Variants in ARL17A observed in about 807,000 individuals in gnomAD.
The protein encoded by ARL17A is ADP-ribosylation factor-like 17-like.
intron 4 of ARL17A, among the ~76,000 whole-genome samples, chr17:46,533,682 A>G (rs2054092358): frequency 1.3e-5 from 1 of 75,744 alleles, no homozygotes; most frequent in Admixed American, 1.4e-4. Context: ...TTGTATTTTT[A>G]GTAGAGACAG....
At chr17:46,516,251 C>T (rs1176607916), downstream of ARL17A, among the ~76,000 whole-genome samples, 8 of 133,904 alleles carry the variant, frequency 6.0e-5, no homozygotes, top group Admixed American at 8.1e-5. Flanking sequence ...TGCAGTGAGC[C>T]GAGATTGCAC....
intron 3 of ARL17A, among the ~76,000 whole-genome samples, chr17:46,568,908 T>C (rs2057607257): frequency 7.5e-6 from 1 of 132,998 alleles, no homozygotes; most frequent in South Asian, 2.4e-4. Flanking sequence ...AAAGCAGATG[T>C]AGAAAAGATG....
chr17:46,545,495 G>A (rs1443199895), intron 3 of ARL17A, among the ~76,000 whole-genome samples: 1 of 118,496 alleles, frequency 8.4e-6, no homozygotes, highest in Non-Finnish European at 1.6e-5. Context: ...ATAATCTGTG[G>A]GTTGTTACTT....
downstream of ARL17A, among the ~76,000 whole-genome samples, chr17:46,551,237 G>A (rs2056781293): frequency 6.7e-6 from 1 of 149,094 alleles, no homozygotes; most frequent in Admixed American, 6.6e-5. Context: ...TCTGGGACAA[G>A]TCCTGTTTAC....
chr17:46,543,514 A>G (rs1598475559), intron 3 of ARL17A, among the ~76,000 whole-genome samples: 1 of 150,960 alleles, frequency 6.6e-6, no homozygotes, highest in Non-Finnish European at 1.5e-5. Context: ...ATAGTAGACA[A>G]TGATAATATG....
intron 3 of ARL17A, among the ~76,000 whole-genome samples, chr17:46,540,472 C>T (rs1343759446): frequency 2.7e-5 from 4 of 147,834 alleles, no homozygotes; most frequent in African/African-American, 7.8e-5. Flanking sequence ...AGATTTGGAA[C>T]ATGTAGACAC....
downstream of ARL17A, among the ~76,000 whole-genome samples, chr17:46,550,186 G>A (rs1179731411): frequency 9.4e-5 from 3 of 31,900 alleles, no homozygotes; most frequent in Admixed American, 8.8e-4. Flanking sequence ...TTGATGACAC[G>A]TGCCTGTAGT....
intron 3 of ARL17A, among the ~76,000 whole-genome samples, chr17:46,543,423 A>G (rs7359677): frequency 0.011 from 1,680 of 151,000 alleles, 155 homozygotes; most frequent in African/African-American, 0.036. Flanking sequence ...ACTAAGTGTA[A>G]TGTCTGATGT....
the ARL17A span, among the ~76,000 whole-genome samples, chr17:46,502,490 C>G: frequency 6.6e-6 from 1 of 150,716 alleles, no homozygotes; most frequent in Non-Finnish European, 1.5e-5. Flanking sequence ...TTAGTAGAGA[C>G]AGGGTTTCAC....
At chr17:46,525,831 AG>A (rs2052677335), downstream of ARL17A, among the ~76,000 whole-genome samples, 1 of 89,444 alleles carries the variant, frequency 1.1e-5, no homozygotes, top group Non-Finnish European at 2.3e-5. Context: ...CTTTGTCCCC[AG>A]GGGACTTTCA....
intron 4 of ARL17A, among the ~76,000 whole-genome samples, chr17:46,531,974 A>C (rs1027023449): frequency 6.8e-6 from 1 of 147,216 alleles, no homozygotes; most frequent in East Asian, 2.0e-4. Flanking sequence ...TTTTGCATCA[A>C]TTCTTATAAT....
intron 4 of ARL17A, among the ~76,000 whole-genome samples, chr17:46,534,477 G>A (rs1429588283): frequency 3.4e-5 from 5 of 148,672 alleles, no homozygotes; most frequent in Non-Finnish European, 5.9e-5. Context: ...AACCCTGAGT[G>A]GACACAGCAC....
Position 46,553,745 on chromosome 17 carries a change from G to C in ARL17A, c.*3611C>G. 1 of 395,530 alleles carries C rather than the reference G, an allele frequency of 2.5e-6. No individual in the cohort carries two copies. The highest frequency in any genetic ancestry group is 3.3e-6 in the Non-Finnish European group (1 of 301,602). 24.5% of individuals were successfully genotyped at this position (395,530 alleles called of 1,614,324 possible). A position where few individuals can be genotyped will look rare whatever the true frequency, so the allele number is the denominator to read the frequency against. On this transcript the variant is annotated 3_prime_UTR_variant, in exon 4 of 4. Transcript: ENST00000336125. ...AATACTTACCCTAATGCTTAGCCTG[G>C]CTCCAGTGAAATTAGCTCCCCAGCC...
intron 3 of ARL17A, among the ~76,000 whole-genome samples, chr17:46,558,379 T>TGC (rs1400596397): frequency 2.8e-5 from 3 of 106,842 alleles, no homozygotes; most frequent in African/African-American, 1.2e-4. Flanking sequence ...TTTTGGGGTT[T>TGC]TTTTTGTGTT....
intron 4 of ARL17A, among the ~76,000 whole-genome samples, chr17:46,533,808 TTTTA>T (rs1429580886): frequency 4.3e-5 from 4 of 93,822 alleles, no homozygotes; most frequent in Non-Finnish European, 7.7e-5. Context: ...AGCCAGTGCT[TTTTA>T]TTTCTTTGTG....
At chr17:46,526,729 G>A (rs1490327069), downstream of ARL17A, among the ~76,000 whole-genome samples, 4 of 105,070 alleles carry the variant, frequency 3.8e-5, no homozygotes, top group Admixed American at 9.0e-5. Flanking sequence ...GGACTTAACT[G>A]GATTCTGCTG....
the ARL17A span, among the ~76,000 whole-genome samples, chr17:46,502,599 G>A: frequency 6.6e-6 from 1 of 151,284 alleles, no homozygotes; most frequent in Non-Finnish European, 1.5e-5. Context: ...ACTGCTCCTG[G>A]CCTTAAGTGT....
chr17:46,545,808 A>G (rs1273351009), intron 3 of ARL17A, among the ~76,000 whole-genome samples: 5 of 149,174 alleles, frequency 3.4e-5, no homozygotes, highest in African/African-American at 5.1e-5. Context: ...GTTATTTTTT[A>G]ACTCCGCAAT....
chr17:46,557,162 C>G lies in ARL17A; in HGVS notation c.*194G>C, dbSNP rs1357332425. ...CAGGAATTTCCAAGGGTTTTAGGAG[C>G]TTTGTGTTAGGAACTGGGGGCAGAG... is the stretch of plus-strand genomic sequence containing the variant. On this transcript the variant is annotated 3_prime_UTR_variant, in exon 4 of 4. Coordinates refer to ENST00000336125, the MANE Select transcript of ARL17A (RefSeq NM_001113738.2). 1.8e-6 allele frequency: 1 copy of G among 561,226 alleles called. No individual in the cohort carries two copies. Among genetic ancestry groups the G allele is most frequent in the Non-Finnish European group, 3.1e-6 (1 of 321,088 alleles). The allele number at this position is 561,226 out of a possible 1,614,324, so 34.8% of individuals were successfully genotyped here. A position where few individuals can be genotyped will look rare whatever the true frequency, so the allele number is the denominator to read the frequency against.
Sources: allele counts gnomAD v4.1 joint callset (sites outside exome capture counted in the v4.1 genomes callset), GRCh38; gene constraint gnomAD v4.1.1; transcripts MANE v1.5; gene names NCBI Gene and HGNC (gene_info 2026-07-23, HGNC 2026-07-21).